The following ATIC variants were observed in gnomAD, a reference collection of about 807,000 sequenced individuals.
ATIC encodes bifunctional purine biosynthesis protein ATIC.
In ATIC, 64 loss-of-function variants were observed where a neutral mutation model predicts 72.5. The ratio of observed to expected loss-of-function variants is 0.88; its 90% CI spans 0.72 to 1.09. ATIC has a LOEUF of 1.09. Among genes scored for constraint, ATIC ranks in the 50% least tolerant of loss-of-function variants. ATIC has a pLI of 0.00. For missense variants in ATIC, 787 were observed against 732.4 expected, an observed-to-expected ratio of 1.07 and a Z score of -0.86; for synonymous variants, 281 against 267.1, an observed-to-expected ratio of 1.05 and a Z score of -0.51.
chr2:215,324,938 C>T (rs572726690), intron 4 of ATIC, among the ~76,000 whole-genome samples: 1 of 151,996 alleles, frequency 6.6e-6, no homozygotes, highest in African/African-American at 2.4e-5. Flanking sequence ...TTTTTCATGG[C>T]TTGGTGGTTC....
chr2:215,349,355 C>G, intron 15 of ATIC, 106 bp downstream of exon 15: 7 of 1,574,010 alleles, frequency 4.4e-6, no homozygotes, highest in Non-Finnish European at 6.1e-6. Context: ...TGATACAGAT[C>G]AGTAATATTC....
At chr2:215,322,040 A>G (rs1294382703) in intron 4 of ATIC, among the ~76,000 whole-genome samples, 1 of 151,846 alleles carries the variant, frequency 6.6e-6, no homozygotes, top group African/African-American at 2.4e-5. Flanking sequence ...AGCTGGGGTT[A>G]CAGGTGCCCG....
chr2:215,318,367 GC>G, intron 3 of ATIC, 134 bp downstream of exon 3: 1 of 855,304 alleles, frequency 1.2e-6, no homozygotes, highest in Non-Finnish European at 1.9e-6. Flanking sequence ...TGAAGTTGCT[GC>G]CAGATTTCAT....
chr2:215,361,716 A>C, the ATIC span: 15 of 1,064,704 alleles, frequency 1.4e-5, no homozygotes, highest in Non-Finnish European at 2.2e-5. Context: ...GACTCATGAC[A>C]GCTGCTTATA....
At chr2:215,319,644 T>C (rs768932280) in intron 3 of ATIC, 21 bp from the exon 4 acceptor site, 7 of 1,569,388 alleles carry the variant, frequency 4.5e-6, no homozygotes, top group South Asian at 3.3e-5. Context: ...CTAATGACTT[T>C]GTTTAACTTT....
In ATIC at chr2:215,348,768, C is replaced by T. The variant is rs141806550; in HGVS notation, c.1504-326C>T. The T allele has an allele frequency of 7.8e-3, 2,528 of 325,924 alleles. 14 individuals carry two copies. Among genetic ancestry groups the T allele is most frequent in the Non-Finnish European group, 1.0e-2 (1,716 of 171,648 alleles). 20.2% of individuals were successfully genotyped at this position (325,924 alleles called of 1,614,324 possible). On this transcript the variant is annotated intron_variant, in intron 14 of 15. Transcript: ENST00000236959. The stretch of plus-strand genomic sequence containing the variant: ...ATGAGGTCAAGAGATTGAGACCCTC[C>T]TGGCCAACATGGTGAAACTCTGTCT...
At chr2:215,346,060 A>G (rs187811460) in intron 13 of ATIC, among the ~76,000 whole-genome samples, 2 of 152,314 alleles carry the variant, frequency 1.3e-5, no homozygotes, top group African/African-American at 2.4e-5. Flanking sequence ...CCTTATCTCA[A>G]TTTCTGAGAG....
the ATIC span, among the ~76,000 whole-genome samples, chr2:215,356,328 G>C: frequency 6.6e-6 from 1 of 152,122 alleles, no homozygotes; most frequent in African/African-American, 2.4e-5. Flanking sequence ...TTTGTTTCAG[G>C]TTCCAAATTG....
the ATIC span, chr2:215,365,435 G>C: frequency 6.7e-7 from 1 of 1,499,322 alleles, no homozygotes. Context: ...TTCTGTGAAT[G>C]AGAGTTACAG....
chr2:215,334,216 C>G lies in ATIC; in HGVS notation c.923-703C>G, dbSNP rs1253096568. On this transcript the variant is annotated intron_variant, in intron 9 of 15. Coordinates refer to ENST00000236959, the MANE Select transcript of ATIC (RefSeq NM_004044.7). ...TTTTTTTTTTTTTTTTTTTTTGAGACAGCTTCTTGCTCTGTTGCCCAGGCT... is the reference window on the plus strand; with the variant it reads ...TTTTTTTTTTTTTTTTTTTTTGAGAGAGCTTCTTGCTCTGTTGCCCAGGCT... 3.2e-5 allele frequency among the ~76,000 whole-genome samples: 3 copies of G among 94,296 alleles called. No individual in the cohort carries two copies. The East Asian group carries it at 1.0e-3, about 33-fold the overall frequency. The allele number at this position is 94,296 out of a possible 152,430, so 61.9% of individuals were successfully genotyped here.
At chr2:215,328,331 C>G (rs1224939370) in intron 7 of ATIC, among the ~76,000 whole-genome samples, 1 of 152,164 alleles carries the variant, frequency 6.6e-6, no homozygotes, top group Non-Finnish European at 1.5e-5. Context: ...CGGATGATGT[C>G]AGACCCTACT....
chr2:215,335,886 C>G, intron 10 of ATIC, 149 bp from the exon 11 acceptor site: 1 of 636,762 alleles, frequency 1.6e-6, no homozygotes, highest in East Asian at 2.8e-5. Context: ...ATAGATTTCT[C>G]TTTTCAAGTA....
chr2:215,312,332 C>A, intron 1 of ATIC, 166 bp from the exon 2 acceptor site: 2 of 1,488,792 alleles, frequency 1.3e-6, no homozygotes, highest in Admixed American at 1.8e-5. Flanking sequence ...CGCCTTAGAG[C>A]AGCTCGCGGG....
At chr2:215,319,878 T>G in intron 4 of ATIC, 147 bp downstream of exon 4, 1 of 708,682 alleles carries the variant, frequency 1.4e-6, no homozygotes, top group South Asian at 1.7e-5. Flanking sequence ...CATTTTGGTT[T>G]GGCCAGATTT....
chr2:215,316,265 A>G (rs2052706869), intron 2 of ATIC, among the ~76,000 whole-genome samples: 1 of 152,158 alleles, frequency 6.6e-6, no homozygotes, highest in African/African-American at 2.4e-5. Flanking sequence ...AATGGATTTT[A>G]TTTCCTGAAC....
intron 12 of ATIC, among the ~76,000 whole-genome samples, chr2:215,343,021 A>G (rs2053036015): frequency 6.6e-6 from 1 of 152,150 alleles, no homozygotes; most frequent in South Asian, 2.1e-4. Flanking sequence ...GCTTTGTGGT[A>G]TGGTAGTTGC....
intron 12 of ATIC, among the ~76,000 whole-genome samples, chr2:215,342,913 A>G (rs1252488143): frequency 3.3e-5 from 5 of 152,180 alleles, no homozygotes; most frequent in Admixed American, 2.0e-4. Context: ...CTCCTGACTC[A>G]GGTGATCTAC....
At chr2:215,314,042 A>G (rs897496440) in intron 2 of ATIC, among the ~76,000 whole-genome samples, 1 of 152,170 alleles carries the variant, frequency 6.6e-6, no homozygotes, top group Non-Finnish European at 1.5e-5. Flanking sequence ...GACACAATCA[A>G]AAGTAGAAAA....
intron 14 of ATIC, 126 bp from the exon 15 acceptor site, chr2:215,348,968 A>AT: frequency 1.4e-6 from 1 of 729,240 alleles, no homozygotes; most frequent in Non-Finnish European, 2.0e-6. Flanking sequence ...AAAAAAAAAA[A>AT]TAATAATAAT....
Sources: gnomAD v4.1 joint callset for allele counts (sites outside exome capture counted in the v4.1 genomes callset) on GRCh38, gnomAD v4.1.1 for gene constraint, MANE v1.5 for transcripts, NCBI Gene and HGNC (gene_info 2026-07-23, HGNC 2026-07-21) for gene names.